Variants in ZNF831 observed in about 807,000 individuals in gnomAD.
ZNF831 encodes zinc finger protein 831, also known as chromosome 20 open reading frame 174.
Under a neutral mutation model 95.8 loss-of-function variants are expected in ZNF831, and 59 were observed. The observed-to-expected ratio is 0.62, with a 90% CI of 0.50 to 0.77. The LOEUF is 0.77. Ranked by LOEUF, ZNF831 falls within the 30% of genes least tolerant of loss-of-function variation. The pLI is 0.00. For missense variants in ZNF831, 2,205 were observed against 2,164.0 expected, an observed-to-expected ratio of 1.02 and a Z score of -0.38; for synonymous variants, 961 against 925.5, an observed-to-expected ratio of 1.04 and a Z score of -0.70.
intron 5 of ZNF831, 26 bp from the exon 6 acceptor site, chr20:59,253,872 T>A (rs1193952828): frequency 5.7e-6 from 4 of 697,528 alleles, no homozygotes; most frequent in East Asian, 5.9e-5. Context: ...CCCCCCACTT[T>A]TTTTTTCCTT....
At chr20:59,216,618 G>C (rs1430096588) in intron 4 of ZNF831, among the ~76,000 whole-genome samples, 2 of 152,208 alleles carry the variant, frequency 1.3e-5, no homozygotes, top group African/African-American at 4.8e-5. Flanking sequence ...GATGGCCAGT[G>C]TGCCAGGGTG....
intron 1 of ZNF831, among the ~76,000 whole-genome samples, chr20:59,138,625 C>T (rs763847989): frequency 1.1e-4 from 16 of 152,206 alleles, no homozygotes; most frequent in Non-Finnish European, 1.9e-4. Flanking sequence ...GTAACTAAGG[C>T]GATGTGGGCA....
At chr20:59,125,455 C>T (rs767477536) in intron 1 of ZNF831, among the ~76,000 whole-genome samples, 7 of 152,142 alleles carry the variant, frequency 4.6e-5, no homozygotes, top group East Asian at 1.9e-4. Context: ...CCCACCCCCC[C>T]GCAGCATCAC....
At chr20:59,199,170 C>G (rs972714044) in intron 3 of ZNF831, among the ~76,000 whole-genome samples, 1 of 151,194 alleles carries the variant, frequency 6.6e-6, no homozygotes, top group East Asian at 1.9e-4. Context: ...AAGAAGGAAG[C>G]CTACTTCTTG....
At chr20:59,201,185 T>C (rs1217472754) in intron 3 of ZNF831, among the ~76,000 whole-genome samples, 1 of 152,222 alleles carries the variant, frequency 6.6e-6, no homozygotes, top group East Asian at 1.9e-4. Flanking sequence ...TGAATAGTTA[T>C]GTAGTGGTAT....
Position 59,148,550 on chromosome 20 carries a change from C to T in ZNF831, c.-1281+2176C>T, listed in dbSNP as rs575171101. ...CAAAAATTAGCCGGGCATGGTGGCG[C>T]GCGCCTGTAGTCCCAGCTACACGGG... is the stretch of plus-strand genomic sequence containing the variant. On this transcript the variant is annotated intron_variant, in intron 2 of 7. Coordinates refer to the ZNF831 transcript ENST00000637017. Among the ~76,000 whole-genome samples, 110 of 137,894 alleles carry T rather than the reference C, an allele frequency of 8.0e-4. 8 individuals carry two copies. Among genetic ancestry groups the T allele is most frequent in the African/African-American group, 2.7e-3 (97 of 35,982 alleles). 90.5% of individuals were successfully genotyped at this position (137,894 alleles called of 152,430 possible). A position where few individuals can be genotyped will look rare whatever the true frequency, so the allele number is the denominator to read the frequency against.
intron 1 of ZNF831, among the ~76,000 whole-genome samples, chr20:59,134,300 C>A (rs774155892): frequency 3.3e-5 from 5 of 152,160 alleles, no homozygotes; most frequent in Non-Finnish European, 7.3e-5. Flanking sequence ...TGTCCTTGTT[C>A]GGTTATTTTC....
chr20:59,191,172 C>G lies in ZNF831; in HGVS notation c.153C>G (p.Pro51=), dbSNP rs536197556. 7 of 1,601,980 alleles carry G rather than the reference C, an allele frequency of 4.4e-6. No individual in the cohort carries two copies. In the East Asian group the frequency reaches 1.3e-4, roughly 31 times the overall value. Residue 51 remains proline, a synonymous_variant, in exon 2 of 6, where the codon CCC becomes CCG. Transcript: ENST00000371030. ...CGCCAGAGCAGGGCCTGGCCCCCCC[C>G]ACTGTGTTCCTGAAGGCCCTGCCCA... The part of the protein sequence containing the change: ...LLPPEQGLAP[P]TVFLKALPIP...
intron 1 of ZNF831, among the ~76,000 whole-genome samples, chr20:59,141,180 A>G (rs1481941071): frequency 3.3e-5 from 5 of 152,220 alleles, no homozygotes; most frequent in African/African-American, 1.2e-4. Flanking sequence ...GATTACAGGC[A>G]TGAGCCATGG....
At position 59,191,694 on chromosome 20, in the gene ZNF831, A is replaced by G. The variant is rs1248883160; in HGVS notation, c.675A>G (p.Arg225=). Residue 225 remains arginine (R), a synonymous_variant, in exon 2 of 6, where the codon AGA becomes AGG. Coordinates refer to ENST00000371030, the MANE Select transcript of ZNF831 (RefSeq NM_178457.3). Reference sequence around the variant, plus strand: ...GGGACAAGGCCGGAGAGCCCCCCAGACCAGAGGGCAGGGGCGAGAGCAGGT... The same window carrying G: ...GGGACAAGGCCGGAGAGCCCCCCAGGCCAGAGGGCAGGGGCGAGAGCAGGT... ...EEGDKAGEPP[R]PEGRGESRCQ... The G allele has an allele frequency of 6.4e-7, 1 of 1,563,358 alleles. No homozygotes were observed. Among genetic ancestry groups the G allele is most frequent in the Admixed American group, 1.8e-5 (1 of 55,038 alleles).
Position 59,254,939 on chromosome 20 carries a change from G to A in ZNF831, c.*196G>A. On this transcript the variant is annotated 3_prime_UTR_variant, in exon 6 of 6. Transcript: ENST00000371030. This position sits in a 1 kb window ranked among gnomAD's most constrained non-coding sequence, Gnocchi z 4.5. ...GCCGCAGCGTTCCCCAGCTCCCCTT[G>A]GGAGTGCTCTGCTCATCTTCAAATG... 3.0e-6 allele frequency: 2 copies of A among 659,210 alleles called. No homozygotes were observed. Among genetic ancestry groups the A allele is most frequent in the Non-Finnish European group, 5.0e-6 (2 of 402,078 alleles). 40.8% of individuals were successfully genotyped at this position (659,210 alleles called of 1,614,324 possible).
At chr20:59,244,659 C>T (rs1208199625) in intron 4 of ZNF831, among the ~76,000 whole-genome samples, 1 of 152,222 alleles carries the variant, frequency 6.6e-6, no homozygotes, top group African/African-American at 2.4e-5. Flanking sequence ...CCTTCTACAT[C>T]TTTCTCCACT....
intron 4 of ZNF831, among the ~76,000 whole-genome samples, chr20:59,224,078 C>A (rs546165152): frequency 6.6e-6 from 1 of 152,354 alleles, no homozygotes; most frequent in African/African-American, 2.4e-5. Flanking sequence ...TTCCGTTCCC[C>A]CTGGGAGAAT....
chr20:59,209,170 G>A lies in ZNF831; in HGVS notation c.4027+2114G>A, dbSNP rs115596254. On this transcript the variant is annotated intron_variant, in intron 4 of 5. Transcript: ENST00000371030. Reference sequence around the variant, plus strand: ...GTGTCTGTCTGTCTAGGATGTCGACGGTCTGTCAGTGTGAGATTCAAGGTG... The same window carrying A: ...GTGTCTGTCTGTCTAGGATGTCGACAGTCTGTCAGTGTGAGATTCAAGGTG... 7.4e-3 allele frequency among the ~76,000 whole-genome samples: 1,129 copies of A among 152,240 alleles called. 20 individuals are homozygous for A. The highest frequency in any genetic ancestry group is 0.025 in the African/African-American group (1,049 of 41,530).
At chr20:59,243,396 A>G (rs931207463) in intron 4 of ZNF831, among the ~76,000 whole-genome samples, 1 of 152,214 alleles carries the variant, frequency 6.6e-6, no homozygotes, top group African/African-American at 2.4e-5. Context: ...TTATGTGAGG[A>G]TGGTGACGTA....
intron 1 of ZNF831, among the ~76,000 whole-genome samples, chr20:59,140,430 G>A (rs1380343203): frequency 3.9e-5 from 6 of 152,180 alleles, no homozygotes; most frequent in Admixed American, 2.0e-4. Context: ...CATGGGAACA[G>A]TAAACCACAG....
chr20:59,253,690 G>T (rs899046488), intron 5 of ZNF831, among the ~76,000 whole-genome samples: 1 of 152,122 alleles, frequency 6.6e-6, no homozygotes, highest in African/African-American at 2.4e-5. Context: ...AACCTATTTT[G>T]TATCAATCAG....
intron 3 of ZNF831, among the ~76,000 whole-genome samples, chr20:59,203,735 C>T (rs1307443863): frequency 2.6e-5 from 4 of 152,054 alleles, no homozygotes; most frequent in Admixed American, 2.6e-4. Flanking sequence ...CTGCAAATAC[C>T]ACACTGTAAT....
At chr20:59,212,559 A>G (rs1985415744) in intron 4 of ZNF831, among the ~76,000 whole-genome samples, 1 of 152,208 alleles carries the variant, frequency 6.6e-6, no homozygotes, top group Non-Finnish European at 1.5e-5. Flanking sequence ...GTTTTAAAGA[A>G]CATCCTTCCT....
Sources: gnomAD v4.1 joint callset for allele counts (sites outside exome capture counted in the v4.1 genomes callset) on GRCh38, gnomAD v4.1.1 for gene constraint, Gnocchi (gnomAD v3.1) non-coding constraint, MANE v1.5 for transcripts, NCBI Gene and HGNC (gene_info 2026-07-23, HGNC 2026-07-21) for gene names.